The following BRWD3 variants were observed in gnomAD, a reference collection of about 807,000 sequenced individuals.
The protein encoded by BRWD3 is bromodomain and WD repeat domain containing 3, also known as bromodomain and WD repeat-containing protein 3.
A neutral mutation model predicts 149.7 loss-of-function variants in BRWD3; 10 were observed. The ratio of observed to expected loss-of-function variants is 0.07; its 90% CI spans 0.04 to 0.11. The LOEUF is 0.11. Among genes scored for constraint, BRWD3 ranks in the 10% least tolerant of loss-of-function variants. The pLI, the probability that BRWD3 is intolerant of heterozygous loss-of-function variation, is 1.00. For synonymous variants in BRWD3, 504 were observed against 456.7 expected (o/e 1.10, Z -1.32); for missense variants, 940 against 1,373.2 (o/e 0.68, Z 4.99).
In BRWD3 at chrX:80,717,747, G is replaced by A. The variant is rs1407067922; in HGVS notation, c.2057C>T (p.Pro686Leu). 3 of 1,210,469 alleles carry A rather than the reference G, an allele frequency of 2.5e-6. No homozygotes were observed. In the South Asian group the frequency reaches 5.3e-5, roughly 21 times the overall value. ...TGGGGAAGAAGATATGTCCATGTTT[G>A]GACTTCTCAGAGCTAAAACAAAAAC... ...AYSVNGALRS[P>L]NMDISSSPNI... The change falls in exon 19 of 41, where the codon CCA (proline) becomes CTA (leucine). Residue 686 changes from proline to leucine, a missense_variant. Coordinates refer to ENST00000373275, the MANE Select transcript of BRWD3 (RefSeq NM_153252.5).
At chrX:80,754,694 G>T (rs182687326) in intron 6 of BRWD3, among the ~76,000 whole-genome samples, 1 of 111,959 alleles carries the variant, frequency 8.9e-6, no homozygotes, top group African/African-American at 3.2e-5. Context: ...TGCCCAATTT[G>T]TTGAGGATTT....
At chrX:80,751,690 G>C (rs1175167245) in intron 6 of BRWD3, among the ~76,000 whole-genome samples, 2 of 111,237 alleles carry the variant, frequency 1.8e-5, no homozygotes, top group Admixed American at 9.6e-5. Flanking sequence ...TACTCATTAA[G>C]TAATTTCTCA....
chrX:80,797,472 T>C (rs1433786414), intron 4 of BRWD3, among the ~76,000 whole-genome samples: 4 of 111,751 alleles, frequency 3.6e-5, no homozygotes, highest in Non-Finnish European at 7.5e-5. Flanking sequence ...ATTTTTAGAG[T>C]TACCCTCCTA....
chrX:80,733,259 G>A (rs1452891372), intron 12 of BRWD3, 197 bp downstream of exon 12: 8 of 356,213 alleles, frequency 2.2e-5, no homozygotes, highest in Non-Finnish European at 3.9e-5. Context: ...CAGAAAGGAC[G>A]ACCTGATAGG....
chrX:80,695,763 A>C, intron 27 of BRWD3, 145 bp downstream of exon 27: 8 of 486,900 alleles, frequency 1.6e-5, no homozygotes, highest in Non-Finnish European at 2.8e-5. Flanking sequence ...AATAACTAAA[A>C]GGAAATTTTA....
intron 24 of BRWD3, among the ~76,000 whole-genome samples, chrX:80,702,130 G>C (rs2072799754): frequency 8.9e-6 from 1 of 112,137 alleles, no homozygotes; most frequent in African/African-American, 3.2e-5. Context: ...GAAGTAAAAA[G>C]TAATGTTGCC....
chrX:80,808,709 T>C (rs997871524), intron 3 of BRWD3, 111 bp from the exon 4 acceptor site: 22 of 530,469 alleles, frequency 4.1e-5, no homozygotes, highest in Non-Finnish European at 5.0e-5. Flanking sequence ...CACTTTACCG[T>C]CTTTATTTCT....
intron 20 of BRWD3, among the ~76,000 whole-genome samples, chrX:80,710,952 A>G (rs1472107058): frequency 1.8e-5 from 2 of 111,075 alleles, no homozygotes; most frequent in Admixed American, 1.9e-4. Context: ...TGAAAAAAGT[A>G]AGTGTCTTTG....
intron 27 of BRWD3, among the ~76,000 whole-genome samples, chrX:80,695,189 T>G (rs1235274204): frequency 4.5e-5 from 5 of 112,000 alleles, no homozygotes; most frequent in African/African-American, 6.5e-5. Context: ...CCCTTTTGCC[T>G]TCTGCCATGA....
chrX:80,716,542 T>C (rs1383430567), intron 19 of BRWD3, among the ~76,000 whole-genome samples: 2 of 112,200 alleles, frequency 1.8e-5, no homozygotes, highest in African/African-American at 6.5e-5. Context: ...TCTATGAATT[T>C]GCCTAGTCCA....
At chrX:80,772,901 C>T (rs1248460588) in intron 6 of BRWD3, among the ~76,000 whole-genome samples, 2 of 112,079 alleles carry the variant, frequency 1.8e-5, no homozygotes, top group African/African-American at 6.5e-5. Flanking sequence ...CAGAATATCA[C>T]TCAGCAATGA....
intron 6 of BRWD3, among the ~76,000 whole-genome samples, chrX:80,769,729 G>T (rs760737549): frequency 9.4e-6 from 1 of 105,839 alleles, no homozygotes; most frequent in African/African-American, 3.5e-5. Flanking sequence ...CAGAAGGCAA[G>T]AAATAACTAA....
At chrX:80,730,389 AAAAG>A (rs56311451) in intron 12 of BRWD3, among the ~76,000 whole-genome samples, 8,045 of 77,576 alleles carry the variant, frequency 0.1, 387 homozygotes, top group Middle Eastern at 0.19. Flanking sequence ...ATTATTTAGC[AAAAG>A]AAAGAAAGAA....
At chrX:80,747,925 TTC>T (rs2073615477) in intron 6 of BRWD3, among the ~76,000 whole-genome samples, 1 of 112,076 alleles carries the variant, frequency 8.9e-6, no homozygotes, top group African/African-American at 3.2e-5. Flanking sequence ...TTTTGTTTCT[TTC>T]ATTTTCATTT....
At position 80,690,088 on chromosome X, in the gene BRWD3, T is replaced by A. The variant is rs201773230; in HGVS notation, c.3607A>T (p.Ile1203Leu). 1.1e-5 allele frequency: 13 copies of A among 1,208,154 alleles called. No individual in the cohort carries two copies. Among genetic ancestry groups the A allele is most frequent in the Non-Finnish European group, 1.5e-5 (13 of 892,760 alleles). The change falls in exon 32 of 41, where the codon ATA becomes TTA. Residue 1203 changes from isoleucine to leucine, a missense_variant. By Grantham distance (5) the Ile-to-Leu change is conservative. Transcript: ENST00000373275. The stretch of plus-strand genomic sequence containing the variant: ...CGTACCTCCCACATTAATGCTGATA[T>A]TCTCCTGTGAAAGAAAAAATACTCT... The part of the protein sequence containing the change: ...RRLENRFYRR[I>L]SALMWEVRYI...
intron 31 of BRWD3, 72 bp downstream of exon 31, chrX:80,690,981 G>A: frequency 9.0e-7 from 1 of 1,112,429 alleles, no homozygotes; most frequent in African/African-American, 1.8e-5. Context: ...CTATGGAAAT[G>A]CAGATCTCAA....
chrX:80,783,368 AGAGT>A, intron 6 of BRWD3, among the ~76,000 whole-genome samples: 1 of 96,519 alleles, frequency 1.0e-5, no homozygotes, highest in Admixed American at 1.2e-4. Flanking sequence ...CCTGGGTGAC[AGAGT>A]GAGACCCTGT....
chrX:80,717,775 G>A lies in BRWD3; in HGVS notation c.2045-16C>T, dbSNP rs1461061366. The A allele has an allele frequency of 8.3e-7, 1 of 1,200,602 alleles. No homozygotes were observed. The highest frequency in any genetic ancestry group is 1.1e-6 in the Non-Finnish European group (1 of 887,152). ...CTTCTCAGAGCTAAAACAAAAACAA[G>A]GAAAATTATCACTTTGTGAGCAAAG... is the stretch of plus-strand genomic sequence containing the variant. On this transcript the variant is annotated splice_polypyrimidine_tract_variant and intron_variant, in intron 18 of 40. Coordinates refer to ENST00000373275, the MANE Select transcript of BRWD3 (RefSeq NM_153252.5).
At chrX:80,802,973 G>T (rs1198720305) in intron 4 of BRWD3, among the ~76,000 whole-genome samples, 1 of 109,862 alleles carries the variant, frequency 9.1e-6, no homozygotes, top group African/African-American at 3.3e-5. Flanking sequence ...GGCGTAGCGG[G>T]CGCCTGTAGT....
Sources: allele counts gnomAD v4.1 joint callset (sites outside exome capture counted in the v4.1 genomes callset), GRCh38; gene constraint gnomAD v4.1.1; transcripts MANE v1.5; gene names NCBI Gene and HGNC (gene_info 2026-07-23, HGNC 2026-07-21).